Variants in OR2M4 observed in about 807,000 individuals in gnomAD.
OR2M4 encodes olfactory receptor family 2 subfamily M member 4.
OR2M4 carries 8 observed loss-of-function variants against 13.7 expected under a neutral mutation model. That is an observed-to-expected ratio of 0.58 (90% confidence interval 0.34 to 1.05). The LOEUF (loss-of-function observed/expected upper bound fraction) is 1.05, where lower values mean the gene tolerates loss of function less well. OR2M4 is among the 50% of genes least tolerant of loss of function. The probability of loss-of-function intolerance (pLI) is 0.02; values close to 1 mark genes in which losing one functional copy is unlikely to be tolerated. For missense variants in OR2M4, 374 were observed against 381.6 expected (o/e 0.98, Z 0.17); for synonymous variants, 152 against 141.3 (o/e 1.08, Z -0.53).
At position 248,239,912 on chromosome 1, in the gene OR2M4, A is replaced by G. The variant is rs763751923; in HGVS notation, c.*48A>G. 2 of 1,107,876 alleles carry G rather than the reference A, an allele frequency of 1.8e-6. No homozygotes were observed. Among genetic ancestry groups the G allele is most frequent in the East Asian group, 2.5e-5 (1 of 40,354 alleles). The allele number at this position is 1,107,876 out of a possible 1,614,324, so 68.6% of individuals were successfully genotyped here. Reference sequence around the variant, plus strand: ...GCCTACTGTGGTCAACACTCATTCAAAAAAACTGGAATCTCTTAAATTATT... The same window carrying G: ...GCCTACTGTGGTCAACACTCATTCAGAAAAACTGGAATCTCTTAAATTATT... On this transcript the variant is annotated 3_prime_UTR_variant, in exon 2 of 2. Transcript: ENST00000641868.
chr1:248,239,885 G>A lies in OR2M4; in HGVS notation c.*21G>A. ...TATGACCTTATCAAAATCTTTTTGA[G>A]TGCCTACTGTGGTCAACACTCATTC... is the stretch of plus-strand genomic sequence containing the variant. On this transcript the variant is annotated 3_prime_UTR_variant, in exon 2 of 2. Transcript: ENST00000641868. 6.8e-7 allele frequency: 1 copy of A among 1,468,554 alleles called. No homozygotes were observed. The highest frequency in any genetic ancestry group is 9.3e-7 in the Non-Finnish European group (1 of 1,080,230). The allele number at this position is 1,468,554 out of a possible 1,614,324, so 91.0% of individuals were successfully genotyped here.
At chr1:248,233,821 G>C (rs1666527147) in intron 1 of OR2M4, among the ~76,000 whole-genome samples, 1 of 151,890 alleles carries the variant, frequency 6.6e-6, no homozygotes, top group Non-Finnish European at 1.5e-5. Context: ...GGACTCCAGG[G>C]TACTGTTTTA....
In OR2M4 at chr1:248,240,164, T is replaced by G. The variant is rs1160200140; in HGVS notation, c.*300T>G. 3 of 199,522 alleles carry G rather than the reference T, an allele frequency of 1.5e-5. No individual in the cohort carries two copies. Among genetic ancestry groups the G allele is most frequent in the Non-Finnish European group, 3.0e-5 (3 of 99,666 alleles). 12.4% of individuals were successfully genotyped at this position (199,522 alleles called of 1,614,324 possible). On this transcript the variant is annotated 3_prime_UTR_variant, in exon 2 of 2. Coordinates refer to ENST00000641868, the MANE Select transcript of OR2M4 (RefSeq NM_017504.2). The stretch of plus-strand genomic sequence containing the variant: ...AGCCAGGTATAAGTCCGAAGGGTCT[T>G]AGCTGTATCAAAAAGCAAAGGTTGG...
rs943095324 is a variant in OR2M4 at position 248,241,667 on chromosome 1, T to G, written c.*1803T>G. ...ACTTTGGGAGGCCGAGGCGGGCAGA[T>G]TATCTGAGGTTGGGAGTTCAAGGCC... On this transcript the variant is annotated 3_prime_UTR_variant, in exon 2 of 2. Coordinates refer to ENST00000641868, the MANE Select transcript of OR2M4 (RefSeq NM_017504.2). 64 of 152,212 alleles carry G rather than the reference T, an allele frequency of 4.2e-4. No individual in the cohort carries two copies. The highest frequency in any genetic ancestry group is 1.5e-3 in the African/African-American group (62 of 41,542). The allele number at this position is 152,212 out of a possible 1,614,324, so 9.4% of individuals were successfully genotyped here. A position where few individuals can be genotyped will look rare whatever the true frequency, so the allele number is the denominator to read the frequency against.
At chr1:248,233,231 G>A (rs552884484) in intron 1 of OR2M4, among the ~76,000 whole-genome samples, 6 of 152,066 alleles carry the variant, frequency 3.9e-5, no homozygotes, top group African/African-American at 1.2e-4. Context: ...GCAGCAAAAG[G>A]ATTTCAAACT....
In OR2M4 at chr1:248,239,211, G is replaced by T. The variant is rs1666588885; in HGVS notation, c.283G>T (p.Ala95Ser). 1.1e-5 allele frequency: 17 copies of T among 1,613,942 alleles called. No individual in the cohort carries two copies. Among genetic ancestry groups the T allele is most frequent in the Non-Finnish European group, 1.2e-5 (14 of 1,180,016 alleles). ...GTCTGGGAAGAAATCTATCTCTCTG[G>T]CAGGTTGTGGAACTCAGATATTCTT... ...YLSGKKSISL[A>S]GCGTQIFFYV... The change falls in exon 2 of 2, where the codon GCA (alanine) becomes TCA (serine). Residue 95 changes from alanine (A) to serine (S), a missense_variant. Transcript: ENST00000641868.
At chr1:248,237,073 T>A (rs1666564669) in intron 1 of OR2M4, among the ~76,000 whole-genome samples, 1 of 152,144 alleles carries the variant, frequency 6.6e-6, no homozygotes, top group East Asian at 1.9e-4. Context: ...GAGGCCAGCA[T>A]CATCCTGATA....
At chr1:248,238,819 C>A in intron 1 of OR2M4, 91 bp from the exon 2 acceptor site, 2 of 726,550 alleles carry the variant, frequency 2.8e-6, no homozygotes, top group Non-Finnish European at 4.6e-6. Context: ...AGGCCTTATG[C>A]ATGCATATAA....
chr1:248,237,653 C>T (rs371825286), intron 1 of OR2M4, among the ~76,000 whole-genome samples: 10 of 152,104 alleles, frequency 6.6e-5, no homozygotes, highest in African/African-American at 1.4e-4. Flanking sequence ...CTCTGTCCCC[C>T]CCAAAAACAA....
Position 248,239,999 on chromosome 1 carries a change from A to G in OR2M4, c.*135A>G, listed in dbSNP as rs1053954785. The G allele has an allele frequency of 3.3e-6, 2 of 610,586 alleles. No individual in the cohort carries two copies. Among genetic ancestry groups the G allele is most frequent in the East Asian group, 2.8e-5 (1 of 35,224 alleles). The allele number at this position is 610,586 out of a possible 1,614,324, so 37.8% of individuals were successfully genotyped here. On this transcript the variant is annotated 3_prime_UTR_variant, in exon 2 of 2. Transcript: ENST00000641868. ...CACTTCTTTTCAAAATTATCTATTCAGTATATTATTACATATACATCGTTT... is the reference window on the plus strand; with the variant it reads ...CACTTCTTTTCAAAATTATCTATTCGGTATATTATTACATATACATCGTTT...
intron 1 of OR2M4, among the ~76,000 whole-genome samples, chr1:248,238,368 C>T (rs1427148681): frequency 6.6e-6 from 1 of 151,938 alleles, no homozygotes; most frequent in Non-Finnish European, 1.5e-5. Context: ...AGTACTATAC[C>T]CTTCTCTGAA....
chr1:248,243,382 GCA>G lies in OR2M4; in HGVS notation c.*3520_*3521del, dbSNP rs1666635820. 6.6e-6 allele frequency: 1 copy of G among 152,168 alleles called. No individual in the cohort carries two copies. The highest frequency in any genetic ancestry group is 2.4e-5 in the African/African-American group (1 of 41,426). The allele number at this position is 152,168 out of a possible 1,614,324, so 9.4% of individuals were successfully genotyped here. A position where few individuals can be genotyped will look rare whatever the true frequency, so the allele number is the denominator to read the frequency against. Reference sequence around the variant, plus strand: ...CTTTCGTGTTTCCTGGCATTCGCAGGCACGCTGTCCGGTGGGGGTTGAGAGAG... The same window carrying G: ...CTTTCGTGTTTCCTGGCATTCGCAGGCGCTGTCCGGTGGGGGTTGAGAGAG... On this transcript the variant is annotated 3_prime_UTR_variant, in exon 2 of 2. Transcript: ENST00000641868.
Position 248,237,808 on chromosome 1 carries a change from G to A in OR2M4, c.-19-1102G>A, listed in dbSNP as rs996548743. Among the ~76,000 whole-genome samples, 8 of 152,184 alleles carry A rather than the reference G, an allele frequency of 5.3e-5. No individual in the cohort carries two copies. In the East Asian group the frequency reaches 7.7e-4, roughly 15 times the overall value. On this transcript the variant is annotated intron_variant, in intron 1 of 1. Transcript: ENST00000641868. ...AAGCATTCCCTCTGAAAACCAGCACGAGATGAGCCACGTTTCATACAGTTG... is the reference window on the plus strand; with the variant it reads ...AAGCATTCCCTCTGAAAACCAGCACAAGATGAGCCACGTTTCATACAGTTG...
At chr1:248,234,995 G>A (rs1666543500) in intron 1 of OR2M4, among the ~76,000 whole-genome samples, 1 of 152,010 alleles carries the variant, frequency 6.6e-6, no homozygotes, top group Admixed American at 6.6e-5. Context: ...CTGTGCAGAA[G>A]CCCTTTAGTT....
rs201781721 is a variant in OR2M4 at position 248,238,949 on chromosome 1, C to G, written c.21C>G (p.Thr7=). MVWENQ[T]FNSIFILLGI... is the part of the protein sequence containing the mutation. ...CCAGGATGGTGTGGGAAAACCAGAC[C>G]TTCAACTCCATCTTCATCCTGCTGG... Residue 7 remains threonine (T), a synonymous_variant, in exon 2 of 2, where the codon ACC becomes ACG. Transcript: ENST00000641868. 1.9e-6 allele frequency: 3 copies of G among 1,603,748 alleles called. No individual in the cohort carries two copies. The highest frequency in any genetic ancestry group is 2.6e-6 in the Non-Finnish European group (3 of 1,175,476).
At chr1:248,233,125 T>A (rs1206914719) in intron 1 of OR2M4, among the ~76,000 whole-genome samples, 2 of 152,154 alleles carry the variant, frequency 1.3e-5, no homozygotes, top group Non-Finnish European at 2.9e-5. Flanking sequence ...TATTTAGTTT[T>A]CCTGCTTTAA....
chr1:248,232,225 A>G (rs1267217834), intron 1 of OR2M4, among the ~76,000 whole-genome samples: 1 of 152,202 alleles, frequency 6.6e-6, no homozygotes, highest in Admixed American at 6.5e-5. Context: ...ATAAAATCTG[A>G]TTTAGTTAAA....
At position 248,239,441 on chromosome 1, in the gene OR2M4, T is replaced by C. The variant is rs756590407; in HGVS notation, c.513T>C (p.Ser171=). 86 of 1,614,020 alleles carry C rather than the reference T, an allele frequency of 5.3e-5. No individual in the cohort carries two copies. In the Middle Eastern group the frequency reaches 9.9e-4, roughly 19 times the overall value. The change falls in exon 2 of 2, where the codon TCT becomes TCC. Residue 171 remains serine (S), a synonymous_variant. Transcript: ENST00000641868. ...AAVLSFSYCS[S]LEIHHFFCDV... is the part of the protein sequence containing the mutation. Reference sequence around the variant, plus strand: ...TCCTGTCATTTTCTTACTGCAGCTCTCTGGAAATTCATCACTTTTTCTGTG... The same window carrying C: ...TCCTGTCATTTTCTTACTGCAGCTCCCTGGAAATTCATCACTTTTTCTGTG...
chr1:248,244,591 A>G lies in OR2M4; in HGVS notation c.*4727A>G, dbSNP rs1666648124. 6.6e-6 allele frequency: 1 copy of G among 152,158 alleles called. No individual in the cohort carries two copies. Among genetic ancestry groups the G allele is most frequent in the African/African-American group, 2.4e-5 (1 of 41,416 alleles). 9.4% of individuals were successfully genotyped at this position (152,158 alleles called of 1,614,324 possible). ...GTTGCAAAACTACCTATGGGATACT[A>G]TGCTCACAACCTGGGTGATGGGATC... is the stretch of plus-strand genomic sequence containing the variant. On this transcript the variant is annotated 3_prime_UTR_variant, in exon 2 of 2. Coordinates refer to ENST00000641868, the MANE Select transcript of OR2M4 (RefSeq NM_017504.2).
Sources: allele counts gnomAD v4.1 joint callset (sites outside exome capture counted in the v4.1 genomes callset), GRCh38; gene constraint gnomAD v4.1.1; transcripts MANE v1.5; gene names NCBI Gene and HGNC (gene_info 2026-07-23, HGNC 2026-07-21).